CFAP74: variants seen among roughly 807,000 people sequenced by gnomAD.
CFAP74 encodes cilia- and flagella-associated protein 74.
A neutral mutation model predicts 188.9 loss-of-function variants in CFAP74; 124 were observed. That is an observed-to-expected ratio of 0.66 (90% CI 0.57 to 0.76). The LOEUF is 0.76. Among genes scored for constraint, CFAP74 ranks in the 30% least tolerant of loss-of-function variants. The pLI is 0.00. For missense variants in CFAP74, 2,198 were observed against 2,165.2 expected (o/e 1.02, Z -0.30); for synonymous variants, 956 against 916.7 (o/e 1.04, Z -0.77).
At chr1:1,981,248 G>T (rs1450080225) in intron 6 of CFAP74, among the ~76,000 whole-genome samples, 1 of 152,198 alleles carries the variant, frequency 6.6e-6, no homozygotes, top group African/African-American at 2.4e-5. Flanking sequence ...GCCGTCCAGT[G>T]CCCCTGTGCC....
intron 4 of CFAP74, 144 bp from the exon 5 acceptor site, chr1:1,987,179 T>G: frequency 1.6e-6 from 1 of 606,426 alleles, no homozygotes; most frequent in South Asian, 2.2e-5. Flanking sequence ...CTCTAACACC[T>G]TCAAGCCACA....
rs147570691 is a variant in CFAP74, at chr1:1,991,912, C to T, written c.-19-937G>A. ...AAAATTAGCCGGGCATGGTGGCAGG[C>T]GCCTGCGGTCCCAGCTACTCGGGAG... On this transcript the variant is annotated intron_variant, in intron 1 of 38. Transcript: ENST00000682832. Among the ~76,000 whole-genome samples the T allele has an allele frequency of 2.9e-3, 443 of 150,812 alleles. 12 individuals carry two copies. The East Asian group carries it at 0.063, about 21-fold the overall frequency.
At chr1:1,971,109 GCA>G (rs201343396) in intron 9 of CFAP74, among the ~76,000 whole-genome samples, 8,508 of 133,576 alleles carry the variant, frequency 0.064, 1,118 homozygotes, top group African/African-American at 0.24. Flanking sequence ...GCACACGTGT[GCA>G]CACACATGCT....
intron 10 of CFAP74, 71 bp downstream of exon 10, chr1:1,970,588 C>A: frequency 3.3e-6 from 5 of 1,497,710 alleles, no homozygotes; most frequent in Non-Finnish European, 4.5e-6. Context: ...TGAAGCCGAA[C>A]CCCCTTGGCT....
chr1:2,000,677 T>A (rs1658163401), intron 1 of CFAP74, among the ~76,000 whole-genome samples: 1 of 152,126 alleles, frequency 6.6e-6, no homozygotes, highest in African/African-American at 2.4e-5. Flanking sequence ...AAAATTCCAA[T>A]CTTCATAGGA....
intron 25 of CFAP74, among the ~76,000 whole-genome samples, chr1:1,935,398 G>A (rs1253081763): frequency 1.2e-5 from 1 of 86,412 alleles, no homozygotes; most frequent in Non-Finnish European, 2.4e-5. Flanking sequence ...AGGTACACAC[G>A]TCTGTATGTG....
chr1:1,971,714 C>T (rs746508923), intron 9 of CFAP74, among the ~76,000 whole-genome samples: 12 of 152,358 alleles, frequency 7.9e-5, no homozygotes, highest in East Asian at 7.7e-4. Context: ...CTCATGAGGA[C>T]GCCACTGCTT....
chr1:1,927,987 G>A lies in CFAP74; in HGVS notation c.3388-241C>T, dbSNP rs114011209. On this transcript the variant is annotated intron_variant, in intron 27 of 38. Transcript: ENST00000682832. Reference sequence around the variant, plus strand: ...TTCACCAGAGGATAAACCGAGGCACGGAGTGAGGAGGCGGCCAGAACCGGG... The same window carrying A: ...TTCACCAGAGGATAAACCGAGGCACAGAGTGAGGAGGCGGCCAGAACCGGG... The A allele has an allele frequency of 5.7e-4, 303 of 533,814 alleles. 1 individual carries two copies. Among genetic ancestry groups the A allele is most frequent in the African/African-American group, 5.2e-3 (273 of 52,104 alleles). The allele number at this position is 533,814 out of a possible 1,614,324, so 33.1% of individuals were successfully genotyped here.
chr1:1,971,983 G>A lies in CFAP74; in HGVS notation c.885C>T (p.Asn295=). Residue 295 remains asparagine, a synonymous_variant, in exon 9 of 39, where the codon AAC becomes AAT. Transcript: ENST00000682832. ...VVALKGSISA[N]RDTLRKFQAW... Reference sequence around the variant, plus strand: ...GGGTGGGGCTGCGGGGGCCTACCCGGTTCGCGGAGATGCTGCCCTTCAGCG... The same window carrying A: ...GGGTGGGGCTGCGGGGGCCTACCCGATTCGCGGAGATGCTGCCCTTCAGCG... The A allele has an allele frequency of 6.2e-7, 1 of 1,608,708 alleles. No individual in the cohort carries two copies. The highest frequency in any genetic ancestry group is 8.5e-7 in the Non-Finnish European group (1 of 1,179,480).
intron 6 of CFAP74, among the ~76,000 whole-genome samples, chr1:1,976,574 G>A (rs531674207): frequency 1.6e-4 from 24 of 152,076 alleles, no homozygotes; most frequent in African/African-American, 5.8e-4. Flanking sequence ...AATGAGTCTT[G>A]CTCTCTCCGC....
chr1:1,925,014 GCTGGTGTGAAGGCATGAGGGCACACA>G (rs1557982512), intron 33 of CFAP74, among the ~76,000 whole-genome samples: 1 of 141,500 alleles, frequency 7.1e-6, no homozygotes, highest in African/African-American at 2.8e-5. Context: ...GAGGGCACAC[GCTGGTGTGAAGGCATGAGGGCACACA>G]CTGGTCCAAA....
intron 25 of CFAP74, 22 bp from the exon 26 acceptor site, chr1:1,930,358 G>T: frequency 6.7e-7 from 1 of 1,503,224 alleles, no homozygotes; most frequent in South Asian, 1.3e-5. Context: ...AGCATGGGAG[G>T]CCCTCAGCCG....
chr1:1,978,372 C>T (rs1656583344), intron 6 of CFAP74, among the ~76,000 whole-genome samples: 1 of 151,944 alleles, frequency 6.6e-6, no homozygotes, highest in South Asian at 2.1e-4. Flanking sequence ...TGGGAGGGAG[C>T]CGGGCTGGTT....
intron 16 of CFAP74, among the ~76,000 whole-genome samples, chr1:1,958,663 T>C (rs1320480678): frequency 6.7e-6 from 1 of 150,070 alleles, no homozygotes; most frequent in Non-Finnish European, 1.5e-5. Context: ...TAGCAGTTGA[T>C]GGACCAAGCA....
chr1:1,998,968 A>T (rs1162674705), intron 1 of CFAP74, among the ~76,000 whole-genome samples: 1 of 152,232 alleles, frequency 6.6e-6, no homozygotes, highest in African/African-American at 2.4e-5. Context: ...CAATGTTGTC[A>T]GGAAGTCAGT....
intron 6 of CFAP74, 73 bp downstream of exon 6, chr1:1,985,310 CTCT>C: frequency 7.7e-7 from 1 of 1,293,674 alleles, no homozygotes; most frequent in Non-Finnish European, 1.1e-6. Flanking sequence ...AGATCTTGCT[CTCT>C]GCCCCCAGAT....
At position 1,926,977 on chromosome 1, in the gene CFAP74, C is replaced by A; in HGVS notation, c.3579G>T (p.Ala1193=). 1 of 1,550,296 alleles carries A rather than the reference C, an allele frequency of 6.5e-7. No homozygotes were observed. The highest frequency in any genetic ancestry group is 8.7e-7 in the Non-Finnish European group (1 of 1,146,900). The change falls in exon 29 of 39, where the codon GCG becomes GCT. Residue 1193 remains alanine, a synonymous_variant. Coordinates refer to ENST00000682832, the MANE Select transcript of CFAP74 (RefSeq NM_001304360.2). The part of the protein sequence containing the change: ...ARATLLRAFQ[A]KFDTFVVPCV... ...AGGGAACTACAAATGTGTCAAACTT[C>A]GCCTGGAACGCTCTGAGCAGGGTGG...
intron 1 of CFAP74, among the ~76,000 whole-genome samples, chr1:1,997,154 G>A (rs1406474316): frequency 6.6e-6 from 1 of 152,136 alleles, no homozygotes; most frequent in Non-Finnish European, 1.5e-5. Flanking sequence ...CGGGCGCGGT[G>A]GCGCACGCCT....
intron 28 of CFAP74, 115 bp downstream of exon 28, chr1:1,927,492 C>T: frequency 1.9e-6 from 2 of 1,041,238 alleles, no homozygotes; most frequent in Non-Finnish European, 1.4e-6. Flanking sequence ...TCAGTCCTTC[C>T]AGCCACATGG....
Sources: allele counts gnomAD v4.1 joint callset (sites outside exome capture counted in the v4.1 genomes callset), GRCh38; gene constraint gnomAD v4.1.1; transcripts MANE v1.5; gene names NCBI Gene and HGNC (gene_info 2026-07-23, HGNC 2026-07-21).